Variants in ANKFN1 observed in about 807,000 individuals in gnomAD.
ANKFN1 encodes ankyrin repeat and fibronectin type-III domain-containing protein 1.
ANKFN1 carries 74 observed loss-of-function variants against 108.7 expected under a neutral mutation model. The observed-to-expected ratio is 0.68, with a 90% CI of 0.56 to 0.83. ANKFN1 has a LOEUF of 0.83. Ranked by LOEUF, ANKFN1 falls within the 40% of genes least tolerant of loss-of-function variation. The pLI is 0.00. For synonymous variants in ANKFN1, 547 were observed against 516.2 expected (o/e 1.06, Z -0.81); for missense variants, 1,505 against 1,382.3 (o/e 1.09, Z -1.41).
At chr17:56,433,698 A>AG (rs1336191099) in intron 8 of ANKFN1, among the ~76,000 whole-genome samples, 2 of 152,166 alleles carry the variant, frequency 1.3e-5, no homozygotes, top group Non-Finnish European at 2.9e-5. Context: ...GAAGGGGGTG[A>AG]GGGATAAAAG....
chr17:56,387,092 T>G (rs964577480), intron 8 of ANKFN1, among the ~76,000 whole-genome samples: 21 of 152,124 alleles, frequency 1.4e-4, no homozygotes, highest in African/African-American at 5.1e-4. Context: ...TTTGTTGGTT[T>G]GTTTGAAGAG....
chr17:56,502,977 T>C (rs2051422477), intron 20 of ANKFN1, among the ~76,000 whole-genome samples: 1 of 152,206 alleles, frequency 6.6e-6, no homozygotes, highest in Admixed American at 6.5e-5. Flanking sequence ...TGTGCGTCAA[T>C]TAAAATTAAG....
chr17:56,242,402 C>G (rs572771658), intron 3 of ANKFN1, among the ~76,000 whole-genome samples: 148 of 152,110 alleles, frequency 9.7e-4, no homozygotes, highest in Non-Finnish European at 1.9e-3. Context: ...GTATTCTCTA[C>G]AAAACTCTGA....
intron 3 of ANKFN1, among the ~76,000 whole-genome samples, chr17:56,318,977 T>C (rs1394246196): frequency 6.6e-6 from 1 of 152,168 alleles, no homozygotes; most frequent in Non-Finnish European, 1.5e-5. Flanking sequence ...AGTGGACTCC[T>C]GTTGGCAAGT....
chr17:56,405,168 G>A (rs2047884033), intron 8 of ANKFN1, among the ~76,000 whole-genome samples: 1 of 152,198 alleles, frequency 6.6e-6, no homozygotes, highest in South Asian at 2.1e-4. Context: ...GCCCTTTCCA[G>A]AGACCATCAG....
intron 20 of ANKFN1, among the ~76,000 whole-genome samples, chr17:56,499,668 A>G (rs76692750): frequency 6.6e-6 from 1 of 152,288 alleles, no homozygotes; most frequent in East Asian, 1.9e-4. Context: ...TCATGGACAT[A>G]ATGAACTTTA....
At chr17:56,187,383 G>C (rs1188672906) in intron 1 of ANKFN1, among the ~76,000 whole-genome samples, 1 of 152,156 alleles carries the variant, frequency 6.6e-6, no homozygotes, top group Non-Finnish European at 1.5e-5. Flanking sequence ...AAACCACTAT[G>C]AGATACCATC....
chr17:56,266,066 T>C (rs1212280427), intron 3 of ANKFN1, among the ~76,000 whole-genome samples: 1 of 152,222 alleles, frequency 6.6e-6, no homozygotes, highest in Non-Finnish European at 1.5e-5. Context: ...TTATAAGCTG[T>C]AAATGATAAA....
intron 15 of ANKFN1, among the ~76,000 whole-genome samples, chr17:56,475,516 G>A (rs2050468278): frequency 6.6e-6 from 1 of 152,104 alleles, no homozygotes; most frequent in Admixed American, 6.5e-5. Flanking sequence ...ATTCCATATA[G>A]AATTCTATAG....
chr17:56,126,287 A>G (rs1312560475), intron 4 of ANKFN1, among the ~76,000 whole-genome samples: 1 of 96,726 alleles, frequency 1.0e-5, no homozygotes, highest in East Asian at 4.8e-4. Flanking sequence ...ACTCAGGAAA[A>G]AAAAAGGGGG....
chr17:56,504,780 G>A (rs530306978), intron 20 of ANKFN1, among the ~76,000 whole-genome samples: 6 of 150,944 alleles, frequency 4.0e-5, no homozygotes, highest in South Asian at 2.1e-4. Flanking sequence ...TCAGCCTCCC[G>A]AGTAGCTGGG....
At chr17:56,081,365 T>A (rs967165952) in intron 4 of ANKFN1, among the ~76,000 whole-genome samples, 1 of 152,154 alleles carries the variant, frequency 6.6e-6, no homozygotes, top group South Asian at 2.1e-4. Context: ...TTATTTTTAT[T>A]TTTTTGAGAC....
At chr17:56,080,397 A>G (rs1049598489) in intron 4 of ANKFN1, among the ~76,000 whole-genome samples, 3 of 152,250 alleles carry the variant, frequency 2.0e-5, no homozygotes, top group Non-Finnish European at 2.9e-5. Context: ...TAAGGGAATT[A>G]TTAAAGAAAT....
At chr17:56,088,225 A>G (rs1905351431) in intron 4 of ANKFN1, among the ~76,000 whole-genome samples, 1 of 151,408 alleles carries the variant, frequency 6.6e-6, no homozygotes, top group East Asian at 1.9e-4. Context: ...GTGTGGCCCT[A>G]GCTAGTTCAG....
intron 3 of ANKFN1, among the ~76,000 whole-genome samples, chr17:56,302,135 G>A (rs2044686771): frequency 1.3e-5 from 2 of 152,142 alleles, no homozygotes; most frequent in African/African-American, 4.8e-5. Context: ...ATTACTTACT[G>A]GGGAGACCAA....
intron 17 of ANKFN1, among the ~76,000 whole-genome samples, chr17:56,481,231 T>C (rs2050692199): frequency 6.6e-6 from 1 of 152,002 alleles, no homozygotes; most frequent in African/African-American, 2.4e-5. Flanking sequence ...AGGATAACGG[T>C]GGTATAATCT....
rs75670215 is a variant in ANKFN1 at position 56,160,206 on chromosome 17, T to C, written c.-71+6676T>C. ...TTTATTATGAGGCTCTGTCCAAGTTTCTGGCAAGCTCTTTAAGAGGATGAT... is the reference window on the plus strand; with the variant it reads ...TTTATTATGAGGCTCTGTCCAAGTTCCTGGCAAGCTCTTTAAGAGGATGAT... On this transcript the variant is annotated intron_variant, in intron 1 of 20. Transcript: ENST00000682825. 8.9e-3 allele frequency among the ~76,000 whole-genome samples: 1,359 copies of C among 152,338 alleles called. 2 individuals carry two copies. The highest frequency in any genetic ancestry group is 0.014 in the Non-Finnish European group (977 of 68,034).
rs1424485016 is a variant in ANKFN1, at chr17:56,513,959, G to A, written c.*2690G>A. Among the ~76,000 whole-genome samples the A allele has an allele frequency of 6.6e-6, 1 of 152,150 alleles. No individual in the cohort carries two copies. The highest frequency in any genetic ancestry group is 1.5e-5 in the Non-Finnish European group (1 of 68,026). On this transcript the variant is annotated 3_prime_UTR_variant, in exon 21 of 21. Coordinates refer to ENST00000682825, the MANE Select transcript of ANKFN1 (RefSeq NM_001370326.1). Reference sequence around the variant, plus strand: ...AGTTTAAATTAATACATTCTTGTGAGAGACAACTGTGTTCTCTAATTCACA... The same window carrying A: ...AGTTTAAATTAATACATTCTTGTGAAAGACAACTGTGTTCTCTAATTCACA...
intron 1 of ANKFN1, among the ~76,000 whole-genome samples, chr17:56,187,945 G>A (rs975683931): frequency 6.6e-6 from 1 of 152,122 alleles, no homozygotes; most frequent in Admixed American, 6.5e-5. Context: ...GGTAGGGGGT[G>A]GGGGAGGGCT....
Sources: gnomAD v4.1 joint callset for allele counts (sites outside exome capture counted in the v4.1 genomes callset) on GRCh38, gnomAD v4.1.1 for gene constraint, MANE v1.5 for transcripts, NCBI Gene and HGNC (gene_info 2026-07-23, HGNC 2026-07-21) for gene names.